The following THSD4 variants were observed in gnomAD, a reference collection of about 807,000 sequenced individuals.
THSD4 encodes the protein thrombospondin type-1 domain-containing protein 4.
A neutral mutation model predicts 119.0 loss-of-function variants in THSD4; 69 were observed. The ratio of observed to expected loss-of-function variants is 0.58; its 90% confidence interval spans 0.48 to 0.71. THSD4 has a LOEUF of 0.71. THSD4 is among the 30% of genes least tolerant of loss of function. The pLI is 0.00. For synonymous variants in THSD4, 524 were observed against 540.4 expected, an observed-to-expected ratio of 0.97 and a Z score of 0.42; for missense variants, 1,393 against 1,391.1, an observed-to-expected ratio of 1.00 and a Z score of -0.02.
intron 7 of THSD4, among the ~76,000 whole-genome samples, chr15:71,533,551 C>T (rs533742542): frequency 1.3e-5 from 2 of 152,178 alleles, no homozygotes; most frequent in African/African-American, 4.8e-5. Context: ...AGATTTTTCA[C>T]CATTATGAAC....
intron 6 of THSD4, among the ~76,000 whole-genome samples, chr15:71,331,158 C>T (rs981059646): frequency 2.0e-5 from 3 of 152,178 alleles, no homozygotes; most frequent in Non-Finnish European, 2.9e-5. Flanking sequence ...GCTGTTTGGG[C>T]GTCTCCCCAG....
chr15:71,309,303 C>A (rs2045078873), intron 6 of THSD4, among the ~76,000 whole-genome samples: 1 of 152,126 alleles, frequency 6.6e-6, no homozygotes, highest in Admixed American at 6.5e-5. Flanking sequence ...TGTATGTCTT[C>A]TTTGGAAAAA....
chr15:71,605,179 A>G (rs1014184660), intron 7 of THSD4, among the ~76,000 whole-genome samples: 1 of 152,220 alleles, frequency 6.6e-6, no homozygotes, highest in Admixed American at 6.5e-5. Flanking sequence ...AAGAGAAGAT[A>G]AGGAGATAAT....
chr15:71,736,800 A>T (rs1346992109), intron 10 of THSD4, among the ~76,000 whole-genome samples: 2 of 152,194 alleles, frequency 1.3e-5, no homozygotes, highest in Non-Finnish European at 2.9e-5. Context: ...AAAGCTGTTG[A>T]CTTCTAGCAG....
chr15:71,767,626 C>T (rs902875649), intron 16 of THSD4: 10 of 152,030 alleles, frequency 6.6e-5, no homozygotes, highest in South Asian at 2.1e-4. Flanking sequence ...GGCTTAAGTC[C>T]GCAATAAAAA....
intron 1 of THSD4, among the ~76,000 whole-genome samples, chr15:71,135,991 G>GTTTTTTTTTT (rs10540241): frequency 1.4e-5 from 1 of 69,126 alleles, no homozygotes; most frequent in African/African-American, 5.0e-5. Flanking sequence ...GTTTAGTTTA[G>GTTTTTTTTTT]TTTTTTTTTT....
chr15:71,612,523 G>T (rs1460574531), intron 7 of THSD4, among the ~76,000 whole-genome samples: 1 of 152,226 alleles, frequency 6.6e-6, no homozygotes, highest in Non-Finnish European at 1.5e-5. Context: ...ACCTAACACT[G>T]TTAGGCTGTT....
upstream of THSD4, chr15:71,110,603 G>A (rs2141343728): frequency 6.5e-6 from 1 of 154,864 alleles, no homozygotes; most frequent in Non-Finnish European, 1.4e-5. Flanking sequence ...GGGAACACTG[G>A]GCCTCCCCAA....
chr15:71,743,887 G>C (rs553478113), intron 11 of THSD4, among the ~76,000 whole-genome samples: 22 of 152,348 alleles, frequency 1.4e-4, no homozygotes, highest in Non-Finnish European at 2.9e-4. Flanking sequence ...ATTGTAAGGA[G>C]TTGGAACTTC....
Position 71,242,660 on chromosome 15 carries a change from G to C in THSD4, c.476G>C (p.Arg159Pro). The change falls in exon 5 of 18, where the codon CGT becomes CCT. Residue 159 changes from arginine to proline, a missense_variant. Arg to Pro is a moderately radical substitution (Grantham distance 103, BLOSUM62 -2). Transcript: ENST00000261862. ...EVTGDRRSRT[R>P]GTIGPGKYGY... ...CTATCTCTCTTTAGGAGCAGGACCCGTGGTACCATTGGCCCTGGCAAGTAT... is the reference window on the plus strand; with the variant it reads ...CTATCTCTCTTTAGGAGCAGGACCCCTGGTACCATTGGCCCTGGCAAGTAT... 1.2e-6 allele frequency: 2 copies of C among 1,613,790 alleles called. No individual in the cohort carries two copies. The highest frequency in any genetic ancestry group is 1.7e-6 in the Non-Finnish European group (2 of 1,179,744).
At chr15:71,374,565 T>C (rs1293295694) in intron 6 of THSD4, among the ~76,000 whole-genome samples, 1 of 152,162 alleles carries the variant, frequency 6.6e-6, no homozygotes, top group South Asian at 2.1e-4. Flanking sequence ...GTTCTGCTGT[T>C]AGAAAGGCTG....
intron 7 of THSD4, among the ~76,000 whole-genome samples, chr15:71,430,202 A>T (rs908837957): frequency 6.6e-6 from 1 of 152,094 alleles, no homozygotes; most frequent in Non-Finnish European, 1.5e-5. Context: ...TAGGAGAAAA[A>T]CTCAAAAACA....
chr15:71,689,931 A>G (rs2052011349), intron 8 of THSD4, among the ~76,000 whole-genome samples: 1 of 152,204 alleles, frequency 6.6e-6, no homozygotes, highest in African/African-American at 2.4e-5. Flanking sequence ...CAACCTCTTC[A>G]ACCCTGAACA....
intron 3 of THSD4, among the ~76,000 whole-genome samples, chr15:71,180,518 T>C (rs958696382): frequency 2.0e-5 from 3 of 152,158 alleles, no homozygotes; most frequent in African/African-American, 7.2e-5. Context: ...GGGGAATACA[T>C]ATGAGAAAAC....
intron 7 of THSD4, among the ~76,000 whole-genome samples, chr15:71,552,463 T>G (rs1412229044): frequency 6.6e-6 from 1 of 152,138 alleles, no homozygotes; most frequent in Non-Finnish European, 1.5e-5. Flanking sequence ...AAATGAAGGG[T>G]CAATGTAATG....
chr15:71,585,398 CCTCA>C (rs1301404566), intron 7 of THSD4, among the ~76,000 whole-genome samples: 1 of 152,164 alleles, frequency 6.6e-6, no homozygotes, highest in Non-Finnish European at 1.5e-5. Context: ...CTGAATATAT[CCTCA>C]CTGTCTCCTC....
chr15:71,735,560 C>CTT lies in THSD4; in HGVS notation c.1631-2171_1631-2170insTT, dbSNP rs573097488. ...TCTTTTGCTCTCTCTTTATTGCTCT[C>CTT]TGTCTCTCTCGCACTCTCTGTTTCT... is the stretch of plus-strand genomic sequence containing the variant. On this transcript the variant is annotated intron_variant, in intron 10 of 17. Coordinates refer to ENST00000261862, the MANE Select transcript of THSD4 (RefSeq NM_024817.3). Among the ~76,000 whole-genome samples, 662 of 152,026 alleles carry CTT rather than the reference C, an allele frequency of 4.4e-3. 3 individuals carry two copies. Among genetic ancestry groups the CTT allele is most frequent in the Non-Finnish European group, 7.7e-3 (520 of 67,970 alleles).
chr15:71,340,981 C>T (rs528866342), intron 6 of THSD4, among the ~76,000 whole-genome samples: 50 of 152,214 alleles, frequency 3.3e-4, no homozygotes, highest in South Asian at 2.5e-3. Context: ...CCCTACAGTT[C>T]CTGGGGTAGA....
At chr15:71,629,624 C>G (rs542527612) in intron 7 of THSD4, among the ~76,000 whole-genome samples, 1 of 152,112 alleles carries the variant, frequency 6.6e-6, no homozygotes, top group African/African-American at 2.4e-5. Flanking sequence ...GATGCTCAGG[C>G]CCCCTGGTTG....
Sources: allele counts gnomAD v4.1 joint callset (sites outside exome capture counted in the v4.1 genomes callset), GRCh38; gene constraint gnomAD v4.1.1; transcripts MANE v1.5; gene names NCBI Gene and HGNC (gene_info 2026-07-23, HGNC 2026-07-21).